Variants in IFT172 observed in about 807,000 individuals in gnomAD.
IFT172 encodes the protein intraflagellar transport protein 172 homolog.
Under a neutral mutation model 248.9 loss-of-function variants are expected in IFT172, and 164 were observed. The observed-to-expected ratio is 0.66, with a 90% CI of 0.58 to 0.75. The LOEUF (loss-of-function observed/expected upper bound fraction) is 0.75, where lower values mean the gene tolerates loss of function less well. Among genes scored for constraint, IFT172 ranks in the 30% least tolerant of loss-of-function variants. The pLI, the probability that IFT172 is intolerant of heterozygous loss-of-function variation, is 0.00. For synonymous variants in IFT172, 729 were observed against 791.6 expected (o/e 0.92, Z 1.33); for missense variants, 1,950 against 2,192.4 (o/e 0.89, Z 2.21).
chr2:27,445,419 C>G lies in IFT172; in HGVS notation c.4945G>C (p.Val1649Leu). 1 of 1,612,068 alleles carries G rather than the reference C, an allele frequency of 6.2e-7. No individual in the cohort carries two copies. Among genetic ancestry groups the G allele is most frequent in the Non-Finnish European group, 8.5e-7 (1 of 1,179,236 alleles). Residue 1649 changes from valine to leucine, a missense_variant, in exon 46 of 48, where the codon GTG becomes CTG. Val to Leu is a conservative substitution (Grantham distance 32). This residue lies in a region of IFT172 where 620 missense variants were observed against 699.0 expected (regional missense o/e 0.89). Transcript: ENST00000260570. The surrounding 1 kb of genome is among the most constrained non-coding windows in gnomAD (Gnocchi z 4.4). ...EAEREEVRDW[V>L]LTVSMDQRLE... ...CGCTGGTCCATGGAGACTGTAAGCA[C>G]CCAGTCTCGAACCTCTTCTCTCTCA... is the stretch of plus-strand genomic sequence containing the variant.
chr2:27,473,954 C>T (rs1433162066), intron 14 of IFT172, among the ~76,000 whole-genome samples: 7 of 151,840 alleles, frequency 4.6e-5, no homozygotes, highest in African/African-American at 1.7e-4. Flanking sequence ...ATTATAGGCA[C>T]CCGCCACCAT....
At position 27,478,068 on chromosome 2, in the gene IFT172, T is replaced by C; in HGVS notation, c.1094A>G (p.Lys365Arg). ...TGTGTGAGCCACCAAGTAACGTTCC[T>C]TTCCTAGGATTTTCACCTCTTCCAC... The part of the protein sequence containing the change: ...YEVEEVKILG[K>R]ERYLVAHTSE... Residue 365 changes from lysine (K) to arginine (R), a missense_variant, in exon 11 of 48, where the codon AAG (lysine) becomes AGG (arginine). Transcript: ENST00000260570. The C allele has an allele frequency of 6.2e-7, 1 of 1,614,208 alleles. No homozygotes were observed. Among genetic ancestry groups the C allele is most frequent in the Non-Finnish European group, 8.5e-7 (1 of 1,180,046 alleles).
chr2:27,454,003 G>T lies in IFT172; in HGVS notation c.3690C>A (p.Gly1230=). The change falls in exon 33 of 48, where the codon GGC becomes GGA. Residue 1230 remains glycine (G), a synonymous_variant. Coordinates refer to ENST00000260570, the MANE Select transcript of IFT172 (RefSeq NM_015662.3). The surrounding 1 kb of genome is among the most constrained non-coding windows in gnomAD (Gnocchi z 4.2). ...CCACCTTATAATAATTGAGGGCCAG[G>T]CCTGGTCTCTGGGCCCGGAGCAGCA... is the stretch of plus-strand genomic sequence containing the variant. ...EGLLLRAQRP[G]LALNYYKEAG... 6.2e-7 allele frequency: 1 copy of T among 1,613,354 alleles called. No homozygotes were observed. The highest frequency in any genetic ancestry group is 8.5e-7 in the Non-Finnish European group (1 of 1,179,876).
rs772647033 is a variant in IFT172, at chr2:27,449,809, T to G, written c.4051-9A>C. 6.3e-7 allele frequency: 1 copy of G among 1,598,160 alleles called. No homozygotes were observed. The highest frequency in any genetic ancestry group is 1.3e-5 in the African/African-American group (1 of 74,492). Reference sequence around the variant, plus strand: ...AGATAGAGCTCTGCAGCCTGCACAGTGGGAAATCAGCGTGGAGACTTTCTC... The same window carrying G: ...AGATAGAGCTCTGCAGCCTGCACAGGGGGAAATCAGCGTGGAGACTTTCTC... On this transcript the variant is annotated splice_polypyrimidine_tract_variant and intron_variant, in intron 36 of 47. Transcript: ENST00000260570.
chr2:27,467,298 T>C (rs1667153198), intron 16 of IFT172, among the ~76,000 whole-genome samples: 1 of 150,900 alleles, frequency 6.6e-6, no homozygotes, highest in South Asian at 2.1e-4. Context: ...AGAGGCCAGA[T>C]GCAGTGGCTC....
At chr2:27,449,219 G>A in intron 39 of IFT172, 75 bp downstream of exon 39, 2 of 1,557,194 alleles carry the variant, frequency 1.3e-6, no homozygotes, top group Admixed American at 1.7e-5. Context: ...GGAGGTAGAA[G>A]AGATGCATCT....
chr2:27,486,698 T>C (rs2148562040), intron 1 of IFT172, among the ~76,000 whole-genome samples: 1 of 152,356 alleles, frequency 6.6e-6, no homozygotes, highest in South Asian at 2.1e-4. Flanking sequence ...GGGCTCCTCA[T>C]CAATCTTTGC....
chr2:27,471,636 G>A lies in IFT172; in HGVS notation c.1525-541C>T, dbSNP rs1328209093. The A allele has an allele frequency of 1.8e-5, 3 of 162,906 alleles. No homozygotes were observed. The East Asian group carries it at 5.6e-4, about 30-fold the overall frequency. 10.1% of individuals were successfully genotyped at this position (162,906 alleles called of 1,614,324 possible). ...TAGGCATGAGGAGGAGGAATGCAGG[G>A]TTAAGGAAGTTTCCTGAGGGCACAG... On this transcript the variant is annotated intron_variant, in intron 15 of 47. Transcript: ENST00000260570.
At chr2:27,465,351 A>G in intron 18 of IFT172, 60 bp downstream of exon 18, 1 of 1,408,822 alleles carries the variant, frequency 7.1e-7, no homozygotes, top group Admixed American at 1.7e-5. Context: ...CACAGGGAAA[A>G]TACTCATGTG....
chr2:27,459,587 A>T, intron 24 of IFT172, 65 bp from the exon 25 acceptor site: 3 of 1,605,170 alleles, frequency 1.9e-6, no homozygotes, highest in Non-Finnish European at 2.6e-6. Flanking sequence ...AGGTAAAAGG[A>T]CCCTTTAAGC....
Position 27,479,554 on chromosome 2 carries a change from A to C in IFT172, c.960T>G (p.Ser320Arg), listed in dbSNP as rs765150051. 2 of 1,613,250 alleles carry C rather than the reference A, an allele frequency of 1.2e-6. No individual in the cohort carries two copies. The highest frequency in any genetic ancestry group is 2.2e-5 in the South Asian group (2 of 91,056). ...VEQFDCCLRR[S>R]IYKNKFELTY... ...TCAACTCAAACTTGTTCTTGTAAAT[A>C]CTCCTTCGGAGGCAGCAGTCAAACT... Residue 320 changes from serine (S) to arginine (R), a missense_variant, in exon 10 of 48, where the codon AGT (serine) becomes AGG (arginine). Ser to Arg is a moderately radical substitution (Grantham distance 110). This residue lies in a region of IFT172 where 1,166 missense variants were observed against 1,254.1 expected (regional missense o/e 0.93). Transcript: ENST00000260570.
In IFT172 at chr2:27,463,147, G is replaced by T; in HGVS notation, c.1972C>A (p.Arg658=). 1 of 1,614,090 alleles carries T rather than the reference G, an allele frequency of 6.2e-7. No individual in the cohort carries two copies. Among genetic ancestry groups the T allele is most frequent in the Non-Finnish European group, 8.5e-7 (1 of 1,180,036 alleles). ...ATCTCATTGGTCTCATGCAGGAATC[G>T]AGCTTTTGCTACTTGGCCCAAAGCA... ...FSALGQVAKA[R]FLHETNEIAD... Residue 658 remains arginine (R), a synonymous_variant, in exon 19 of 48, where the codon CGA becomes AGA. Transcript: ENST00000260570.
chr2:27,456,604 A>T lies in IFT172; in HGVS notation c.3278T>A (p.Leu1093Gln). The change falls in exon 30 of 48, where the codon CTG (leucine) becomes CAG (glutamine). Residue 1093 changes from leucine (L) to glutamine (Q), a missense_variant. Transcript: ENST00000260570. ...GANAHKHVAY[L>Q]WAKSLGGEAA... ...CTCTCCTCCCAGGCTCTTTGCCCACAGATAGGCCACGTGTTTGTGGGCATT... is the reference window on the plus strand; with the variant it reads ...CTCTCCTCCCAGGCTCTTTGCCCACTGATAGGCCACGTGTTTGTGGGCATT... The T allele has an allele frequency of 1.2e-6, 2 of 1,614,202 alleles. No individual in the cohort carries two copies. The highest frequency in any genetic ancestry group is 1.7e-6 in the Non-Finnish European group (2 of 1,180,034).
intron 30 of IFT172, among the ~76,000 whole-genome samples, chr2:27,456,270 G>A (rs1265087500): frequency 6.6e-6 from 1 of 152,020 alleles, no homozygotes; most frequent in Non-Finnish European, 1.5e-5. Context: ...CCAGGAGTAA[G>A]TTATTGGTTT....
In IFT172 at chr2:27,470,929, C is replaced by T. The variant is rs148710037; in HGVS notation, c.1691G>A (p.Arg564Lys). The T allele has an allele frequency of 4.3e-5, 69 of 1,601,448 alleles. 1 individual carries two copies. The African/African-American group carries it at 7.5e-4, about 17-fold the overall frequency. ...APERVTMFTI[R>K]GDVIGLERGG... ...GAGGGCCCCTAGTGTCCAACATACC[C>T]TAATAGTGAACATGGTGACTCTCTC... Residue 564 changes from arginine to lysine, a missense_variant and splice_region_variant, in exon 16 of 48, where the codon AGG becomes AAG. Coordinates refer to ENST00000260570, the MANE Select transcript of IFT172 (RefSeq NM_015662.3).
chr2:27,453,277 G>A (rs771000063), intron 35 of IFT172, 107 bp downstream of exon 35: 2 of 1,410,786 alleles, frequency 1.4e-6, no homozygotes, highest in Non-Finnish European at 2.0e-6. Context: ...CTACCTGATT[G>A]AAAAGAAAAA....
chr2:27,478,094 C>T lies in IFT172; in HGVS notation c.1068G>A (p.Glu356=). ...TTCCTAGGATTTTCACCTCTTCCAC[C>T]TCATAGCCATAGTGTGACTTGAGCA... ...RVVLKSHYGY[E]VEEVKILGKE... is the part of the protein sequence containing the mutation. The change falls in exon 11 of 48, where the codon GAG becomes GAA. Residue 356 remains glutamate (E), a synonymous_variant. Coordinates refer to ENST00000260570, the MANE Select transcript of IFT172 (RefSeq NM_015662.3). 1 of 1,614,190 alleles carries T rather than the reference C, an allele frequency of 6.2e-7. No homozygotes were observed. The highest frequency in any genetic ancestry group is 8.5e-7 in the Non-Finnish European group (1 of 1,180,028).
At chr2:27,462,660 CT>C in intron 20 of IFT172, 40 bp downstream of exon 20, 2 of 1,554,752 alleles carry the variant, frequency 1.3e-6, no homozygotes, top group Non-Finnish European at 1.8e-6. Flanking sequence ...CTCTTTTTCC[CT>C]CATATCCCCT....
chr2:27,468,934 G>A lies in IFT172; in HGVS notation c.1692+1994C>T, dbSNP rs537313920. Among the ~76,000 whole-genome samples, 33 of 150,314 alleles carry A rather than the reference G, an allele frequency of 2.2e-4. No individual in the cohort carries two copies. In the East Asian group the frequency reaches 3.9e-3, roughly 18 times the overall value. On this transcript the variant is annotated intron_variant, in intron 16 of 47. Coordinates refer to ENST00000260570, the MANE Select transcript of IFT172 (RefSeq NM_015662.3). ...GAAATGGCTGATGATAAATTTTTCC[G>A]AACAACAATGGAAGTCAATCAATGA...
Sources: allele counts gnomAD v4.1 joint callset (sites outside exome capture counted in the v4.1 genomes callset), GRCh38; gene constraint gnomAD v4.1.1; regional missense constraint gnomAD v4.1.1; non-coding constraint Gnocchi (gnomAD v3.1); transcripts MANE v1.5; gene names NCBI Gene and HGNC (gene_info 2026-07-23, HGNC 2026-07-21).